PAM: variants seen among roughly 807,000 people sequenced by gnomAD.
PAM encodes the protein peptidyl-glycine alpha-amidating monooxygenase.
PAM carries 72 observed loss-of-function variants against 122.1 expected under a neutral mutation model. The ratio of observed to expected loss-of-function variants is 0.59; its 90% CI spans 0.49 to 0.72. The LOEUF (loss-of-function observed/expected upper bound fraction) is 0.72. Ranked by LOEUF, PAM falls within the 30% of genes least tolerant of loss-of-function variation. The probability of loss-of-function intolerance (pLI) is 0.00; values close to 1 mark genes in which losing one functional copy is unlikely to be tolerated. For synonymous variants in PAM, 389 were observed against 404.4 expected (o/e 0.96, Z 0.46); for missense variants, 1,106 against 1,183.7 (o/e 0.93, Z 0.96).
At chr5:103,008,507 AT>A (rs1296178074) in intron 20 of PAM, among the ~76,000 whole-genome samples, 3 of 152,160 alleles carry the variant, frequency 2.0e-5, no homozygotes, top group Non-Finnish European at 4.4e-5. Context: ...AAAATTCACA[AT>A]TAAAGGGCAC....
intron 25 of PAM, among the ~76,000 whole-genome samples, chr5:103,028,466 A>G (rs954180540): frequency 1.3e-5 from 2 of 152,158 alleles, no homozygotes; most frequent in Non-Finnish European, 2.9e-5. Flanking sequence ...TGCATTATCT[A>G]ATTCTCTTCC....
chr5:102,867,096 C>G (rs1294317659), intron 2 of PAM, among the ~76,000 whole-genome samples, 177 bp from the exon 3 acceptor site: 1 of 152,014 alleles, frequency 6.6e-6, no homozygotes, highest in Non-Finnish European at 1.5e-5. Flanking sequence ...TGTTATTGGA[C>G]TATAAAATGA....
intron 3 of PAM, among the ~76,000 whole-genome samples, chr5:102,895,443 T>G (rs1417433322): frequency 6.6e-6 from 1 of 151,740 alleles, no homozygotes; most frequent in African/African-American, 2.4e-5. Context: ...TACTCATATA[T>G]GTTTGCTAAG....
At chr5:102,794,734 A>G (rs1424368065) in intron 1 of PAM, among the ~76,000 whole-genome samples, 1 of 152,162 alleles carries the variant, frequency 6.6e-6, no homozygotes, top group Non-Finnish European at 1.5e-5. Flanking sequence ...TTCTGATGCT[A>G]ATTTTTTTGT....
At chr5:102,779,918 T>TATATATACACAC (rs147065045) in intron 1 of PAM, among the ~76,000 whole-genome samples, 37 of 95,658 alleles carry the variant, frequency 3.9e-4, no homozygotes, top group South Asian at 2.2e-3. Context: ...TATATATATA[T>TATATATACACAC]ACACACATAT....
At chr5:102,893,838 T>C (rs1795415231) in intron 3 of PAM, among the ~76,000 whole-genome samples, 1 of 151,840 alleles carries the variant, frequency 6.6e-6, no homozygotes, top group African/African-American at 2.4e-5. Context: ...TCAACATTGC[T>C]TTAAATAATT....
chr5:102,957,403 C>G (rs1203818965), intron 12 of PAM, among the ~76,000 whole-genome samples: 1 of 152,164 alleles, frequency 6.6e-6, no homozygotes, highest in Non-Finnish European at 1.5e-5. Context: ...GCCCCCCACC[C>G]CACCATACAG....
Position 102,990,285 on chromosome 5 carries a change from A to G in PAM, c.1497A>G (p.Glu499=), listed in dbSNP as rs1210247587. The G allele has an allele frequency of 3.9e-6, 6 of 1,552,944 alleles. No individual in the cohort carries two copies. The highest frequency in any genetic ancestry group is 5.3e-6 in the Non-Finnish European group (6 of 1,142,504). Reference sequence around the variant, plus strand: ...TATATCTTTTAGATTTCCACATGGAAGAGGCACTGGATTGGCCTGGAGTAT... The same window carrying G: ...TATATCTTTTAGATTTCCACATGGAGGAGGCACTGGATTGGCCTGGAGTAT... The part of the protein sequence containing the change: ...EPEHTGDFHM[E]EALDWPGVYL... The change falls in exon 16 of 26, where the codon GAA becomes GAG. Residue 499 remains glutamate, a synonymous_variant. Transcript: ENST00000438793.
chr5:102,927,265 A>G (rs1263677468), intron 7 of PAM, among the ~76,000 whole-genome samples: 1 of 152,100 alleles, frequency 6.6e-6, no homozygotes, highest in African/African-American at 2.4e-5. Context: ...TTTCCTTACT[A>G]TAGATCGTTA....
chr5:102,833,263 C>G lies in PAM; in HGVS notation c.-373-32560C>G, dbSNP rs57414743. On this transcript the variant is annotated intron_variant, in intron 1 of 25. Transcript: ENST00000438793. The stretch of plus-strand genomic sequence containing the variant: ...GAGGCCATGGCTGATAATATTGTGT[C>G]AGTGCCTGAGCTCTGCTTTGTGTTA... Among the ~76,000 whole-genome samples, 187 of 152,186 alleles carry G rather than the reference C, an allele frequency of 1.2e-3. 5 individuals are homozygous for G. In the East Asian group the frequency reaches 0.027, roughly 22 times the overall value.
intron 3 of PAM, among the ~76,000 whole-genome samples, chr5:102,893,111 C>A (rs182249856): frequency 6.6e-6 from 1 of 151,804 alleles, no homozygotes; most frequent in East Asian, 1.9e-4. Context: ...AGCTATACCT[C>A]CTCTTCCCTT....
At chr5:102,888,022 C>T (rs942126336) in intron 3 of PAM, among the ~76,000 whole-genome samples, 1 of 152,018 alleles carries the variant, frequency 6.6e-6, no homozygotes, top group Admixed American at 6.6e-5. Context: ...TTCACAAATG[C>T]AGTTTCACAT....
At chr5:102,775,169 T>G (rs759652808) in intron 1 of PAM, among the ~76,000 whole-genome samples, 2 of 152,110 alleles carry the variant, frequency 1.3e-5, no homozygotes, top group Non-Finnish European at 2.9e-5. Flanking sequence ...ACTTTTATTG[T>G]ACTTTAGATA....
At chr5:102,795,189 C>CAAAAAAAAAAAAA (rs33988105) in intron 1 of PAM, among the ~76,000 whole-genome samples, 17 of 59,648 alleles carry the variant, frequency 2.9e-4, no homozygotes, top group South Asian at 7.9e-4. Context: ...GACAATGTCT[C>CAAAAAAAAAAAAA]AAAAAAAAAA....
At chr5:102,910,963 C>CA (rs1169769607) in intron 4 of PAM, among the ~76,000 whole-genome samples, 4 of 151,868 alleles carry the variant, frequency 2.6e-5, no homozygotes, top group Admixed American at 2.6e-4. Flanking sequence ...TTTGCAAAGC[C>CA]AGGCATAATC....
intron 1 of PAM, among the ~76,000 whole-genome samples, chr5:102,843,026 AG>A (rs1312752937): frequency 6.6e-6 from 1 of 152,220 alleles, no homozygotes; most frequent in Admixed American, 6.5e-5. Flanking sequence ...GAAGCAAGTC[AG>A]CCCACTAGGT....
chr5:102,969,213 T>C lies in PAM; in HGVS notation c.1163-4903T>C, dbSNP rs534427520. Among the ~76,000 whole-genome samples the C allele has an allele frequency of 2.6e-4, 40 of 151,464 alleles. 1 individual carries two copies. Among genetic ancestry groups the C allele is most frequent in the African/African-American group, 9.2e-4 (38 of 41,194 alleles). On this transcript the variant is annotated intron_variant, in intron 14 of 25. Coordinates refer to ENST00000438793, the MANE Select transcript of PAM (RefSeq NM_001177306.2). ...GTAACAAACCTGCACATTCTGCACA[T>C]GTATCCCAGAACTTAAAGTATAATA...
At position 102,783,763 on chromosome 5, in the gene PAM, A is replaced by T. The variant is rs567971912; in HGVS notation, c.-374+28415A>T. ...CTTAACTAGAATGGAAAAGGGGAAG[A>T]TGAATAGAACCCAGCGCCTGCCGTC... On this transcript the variant is annotated intron_variant, in intron 1 of 25. Transcript: ENST00000438793. Among the ~76,000 whole-genome samples, 26 of 152,356 alleles carry T rather than the reference A, an allele frequency of 1.7e-4. No individual in the cohort carries two copies. The East Asian group carries it at 2.5e-3, about 15-fold the overall frequency.
chr5:102,846,976 A>G (rs1780109326), intron 1 of PAM, among the ~76,000 whole-genome samples: 1 of 152,186 alleles, frequency 6.6e-6, no homozygotes, highest in African/African-American at 2.4e-5. Flanking sequence ...ACAATTAGCT[A>G]TGGCTGAAGA....
Sources: allele counts gnomAD v4.1 joint callset (sites outside exome capture counted in the v4.1 genomes callset), GRCh38; gene constraint gnomAD v4.1.1; transcripts MANE v1.5; gene names NCBI Gene and HGNC (gene_info 2026-07-23, HGNC 2026-07-21).